TRIM62: variants seen among roughly 807,000 people sequenced by gnomAD.
The protein encoded by TRIM62 is tripartite motif containing 62.
Under a neutral mutation model 44.2 loss-of-function variants are expected in TRIM62, and 39 were observed. That is an observed-to-expected ratio of 0.88 (90% confidence interval 0.68 to 1.15). The LOEUF (loss-of-function observed/expected upper bound fraction) is 1.15. Among genes scored for constraint, TRIM62 ranks in the 50% most tolerant of loss-of-function variants. The pLI is 0.00. For synonymous variants in TRIM62, 278 were observed against 292.3 expected, an observed-to-expected ratio of 0.95 and a Z score of 0.50; for missense variants, 544 against 665.5, an observed-to-expected ratio of 0.82 and a Z score of 2.01.
chr1:33,147,157 G>A lies in TRIM62; in HGVS notation c.*20C>T. On this transcript the variant is annotated 3_prime_UTR_variant, in exon 5 of 5. Transcript: ENST00000291416. This position sits in a 1 kb window ranked among gnomAD's most constrained non-coding sequence, Gnocchi z 8.1. ...CAGGTGGCAGTGGTCCCAGGAGGTTGTGGTCTCCTTCTGCCTGGACTAGAT... is the reference window on the plus strand; with the variant it reads ...CAGGTGGCAGTGGTCCCAGGAGGTTATGGTCTCCTTCTGCCTGGACTAGAT... The A allele has an allele frequency of 6.2e-7, 1 of 1,608,322 alleles. No individual in the cohort carries two copies. The highest frequency in any genetic ancestry group is 8.5e-7 in the Non-Finnish European group (1 of 1,176,744).
chr1:33,168,480 G>A (rs534643024), intron 1 of TRIM62, among the ~76,000 whole-genome samples: 2 of 152,144 alleles, frequency 1.3e-5, no homozygotes, highest in Non-Finnish European at 2.9e-5. Context: ...GTAGTAGTTG[G>A]ACTTGGCATT....
chr1:33,159,033 C>T lies in TRIM62; in HGVS notation c.761+655G>A, dbSNP rs1016600422. Among the ~76,000 whole-genome samples the T allele has an allele frequency of 2.6e-5, 4 of 151,688 alleles. No homozygotes were observed. Among genetic ancestry groups the T allele is most frequent in the Admixed American group, 6.6e-5 (1 of 15,218 alleles). ...TTTTTGTATTTTTTTTTAGTAGAGA[C>T]GGGGTTTCACCATGTTAGTCAGGCT... On this transcript the variant is annotated intron_variant, in intron 3 of 4. Transcript: ENST00000291416. The surrounding 1 kb of genome is among the most constrained non-coding windows in gnomAD (Gnocchi z 4.2).
intron 1 of TRIM62, 72 bp downstream of exon 1, chr1:33,180,953 T>TGGGGGGGGGGGGGGGGGGG: frequency 1.4e-6 from 1 of 724,330 alleles, no homozygotes; most frequent in Non-Finnish European, 2.0e-6. Context: ...GGTCCAGCCC[T>TGGGGGGGGGGGGGGGGGGG]GACCCCACCC....
rs948135849 is a variant in TRIM62, at chr1:33,161,515, G to T, written c.505-1571C>A. On this transcript the variant is annotated intron_variant, in intron 2 of 4. Transcript: ENST00000291416. The surrounding 1 kb of genome is among the most constrained non-coding windows in gnomAD (Gnocchi z 4.3). ...CCTGTTCCCTCCCCGACGCGCGGCT[G>T]CTGGCCTGCAGGAAGAACTGCTGGC... Among the ~76,000 whole-genome samples the T allele has an allele frequency of 1.3e-5, 2 of 152,158 alleles. No individual in the cohort carries two copies. Among genetic ancestry groups the T allele is most frequent in the Non-Finnish European group, 2.9e-5 (2 of 68,028 alleles).
At chr1:33,166,756 C>G (rs528155293) in intron 1 of TRIM62, among the ~76,000 whole-genome samples, 2 of 152,232 alleles carry the variant, frequency 1.3e-5, no homozygotes, top group African/African-American at 4.8e-5. Flanking sequence ...CCACAACACA[C>G]AAGATATCAA....
rs964191620 is a variant in TRIM62 at position 33,162,270 on chromosome 1, G to A, written c.505-2326C>T. ...TTTAACCCTAGCTTACCTCCCTAGCGCCACTGCATTGCAACTCCACCTGCC... is the reference window on the plus strand; with the variant it reads ...TTTAACCCTAGCTTACCTCCCTAGCACCACTGCATTGCAACTCCACCTGCC... On this transcript the variant is annotated intron_variant, in intron 2 of 4. Coordinates refer to ENST00000291416, the MANE Select transcript of TRIM62 (RefSeq NM_018207.3). Among the ~76,000 whole-genome samples the A allele has an allele frequency of 4.6e-5, 7 of 152,118 alleles. No homozygotes were observed. The East Asian group carries it at 9.6e-4, about 21-fold the overall frequency.
At chr1:33,178,655 T>A (rs937535578) in intron 1 of TRIM62, among the ~76,000 whole-genome samples, 23 of 152,158 alleles carry the variant, frequency 1.5e-4, no homozygotes, top group African/African-American at 5.6e-4. Flanking sequence ...CCTGACCCCA[T>A]TGTACAGACA....
intron 1 of TRIM62, chr1:33,176,483 C>A: frequency 1.5e-6 from 1 of 688,130 alleles, no homozygotes; most frequent in South Asian, 1.5e-5. Flanking sequence ...CTCCAATGGT[C>A]ACATGAGGCC....
chr1:33,181,214 C>G lies in TRIM62; in HGVS notation c.219G>C (p.Glu73Asp), dbSNP rs1304841896. ...APSLKLANIV[E>D]RYSSFPLDAI... ...CGTCCAGCGGGAAGGAGCTGTAGCGCTCCACGATGTTGGCCAGCTTGAGGC... is the reference window on the plus strand; with the variant it reads ...CGTCCAGCGGGAAGGAGCTGTAGCGGTCCACGATGTTGGCCAGCTTGAGGC... Residue 73 changes from glutamate (E) to aspartate (D), a missense_variant, in exon 1 of 5, where the codon GAG (glutamate) becomes GAC (aspartate). Physicochemically the swap from Glu to Asp is conservative, Grantham distance 45 (BLOSUM62 2). Transcript: ENST00000291416. This position sits in a 1 kb window ranked among gnomAD's most constrained non-coding sequence, Gnocchi z 6.5. The G allele has an allele frequency of 1.3e-6, 2 of 1,579,704 alleles. No individual in the cohort carries two copies. The highest frequency in any genetic ancestry group is 1.7e-4 in the Middle Eastern group (1 of 6,028).
chr1:33,148,422 T>C (rs1447625785), intron 4 of TRIM62, among the ~76,000 whole-genome samples: 1 of 152,166 alleles, frequency 6.6e-6, no homozygotes, highest in Non-Finnish European at 1.5e-5. Flanking sequence ...TTTGTTTTGT[T>C]TGGAACTTCC....
At chr1:33,175,634 C>T (rs1401182653) in intron 1 of TRIM62, among the ~76,000 whole-genome samples, 1 of 152,114 alleles carries the variant, frequency 6.6e-6, no homozygotes, top group Non-Finnish European at 1.5e-5. Flanking sequence ...TCAGAAAGAC[C>T]ACTTTGAATC....
intron 4 of TRIM62, among the ~76,000 whole-genome samples, chr1:33,157,033 C>T (rs1645188453): frequency 6.7e-6 from 1 of 149,422 alleles, no homozygotes; most frequent in South Asian, 2.1e-4. Context: ...ATCCTTCACC[C>T]CCTTCGGTCT....
At position 33,181,539 on chromosome 1, in the gene TRIM62, C is replaced by T. The variant is rs1429975624; in HGVS notation, c.-107G>A. 6.9e-7 allele frequency: 1 copy of T among 1,442,216 alleles called. No homozygotes were observed. The highest frequency in any genetic ancestry group is 9.0e-7 in the Non-Finnish European group (1 of 1,107,360). The allele number at this position is 1,442,216 out of a possible 1,614,324, so 89.3% of individuals were successfully genotyped here. The stretch of plus-strand genomic sequence containing the variant: ...GGGCTGGGCGCGGGGACGAGGCCCG[C>T]ACAGGCAGGGGTAGGAGCTACCGGA... On this transcript the variant is annotated 5_prime_UTR_variant, in exon 1 of 5. Coordinates refer to ENST00000291416, the MANE Select transcript of TRIM62 (RefSeq NM_018207.3). The surrounding 1 kb of genome is among the most constrained non-coding windows in gnomAD (Gnocchi z 6.5).
Position 33,161,231 on chromosome 1 carries a change from C to T in TRIM62, c.505-1287G>A, listed in dbSNP as rs1359717657. ...TTTCCCGGAAGTCTTCATTGAGAGA[C>T]GGGTTCTGAGCCGGGGCCTGAGGGA... On this transcript the variant is annotated intron_variant, in intron 2 of 4. Coordinates refer to ENST00000291416, the MANE Select transcript of TRIM62 (RefSeq NM_018207.3). This position sits in a 1 kb window ranked among gnomAD's most constrained non-coding sequence, Gnocchi z 4.3. 1.3e-5 allele frequency among the ~76,000 whole-genome samples: 2 copies of T among 152,164 alleles called. No individual in the cohort carries two copies. Among genetic ancestry groups the T allele is most frequent in the Non-Finnish European group, 2.9e-5 (2 of 68,036 alleles).
At chr1:33,149,168 T>C in intron 4 of TRIM62, among the ~76,000 whole-genome samples, 1 of 152,352 alleles carries the variant, frequency 6.6e-6, no homozygotes, top group African/African-American at 2.4e-5. Context: ...TATTTATTTA[T>C]TGGAGACAGA....
At chr1:33,174,134 C>T (rs1180174562) in intron 1 of TRIM62, among the ~76,000 whole-genome samples, 1 of 150,094 alleles carries the variant, frequency 6.7e-6, no homozygotes, top group East Asian at 2.0e-4. Context: ...CTTCCCCCTT[C>T]TTCTCCCTTC....
chr1:33,150,825 CT>C (rs1442692189), intron 4 of TRIM62, among the ~76,000 whole-genome samples: 5 of 152,210 alleles, frequency 3.3e-5, no homozygotes, highest in Middle Eastern at 3.4e-3. Context: ...TGGGCCACCC[CT>C]ATGACAGTGG....
rs1557747201 is a variant in TRIM62 at position 33,147,255 on chromosome 1, G to A, written c.1350C>T (p.Cys450=). The change falls in exon 5 of 5, where the codon TGC becomes TGT. Residue 450 remains cysteine, a synonymous_variant. Transcript: ENST00000291416. The surrounding 1 kb of genome is among the most constrained non-coding windows in gnomAD (Gnocchi z 8.1). ...TFREKFPGKL[C]SYFSPGQSHA... ...GGCTCTGGCCAGGGCTGAAGTAAGA[G>A]CAGAGCTTGCCAGGGAACTTCTCGC... 4 of 1,614,098 alleles carry A rather than the reference G, an allele frequency of 2.5e-6. No homozygotes were observed. Among genetic ancestry groups the A allele is most frequent in the Non-Finnish European group, 3.4e-6 (4 of 1,180,034 alleles).
chr1:33,160,066 TG>T (rs1373119912), intron 2 of TRIM62, 122 bp from the exon 3 acceptor site: 15 of 1,264,322 alleles, frequency 1.2e-5, no homozygotes, highest in Non-Finnish European at 1.6e-5. Context: ...GCACGCGTGG[TG>T]GGGGAAATGT....
Sources: allele counts gnomAD v4.1 joint callset (sites outside exome capture counted in the v4.1 genomes callset), GRCh38; gene constraint gnomAD v4.1.1; non-coding constraint Gnocchi (gnomAD v3.1); transcripts MANE v1.5; gene names NCBI Gene and HGNC (gene_info 2026-07-23, HGNC 2026-07-21).